The following SP140L variants were observed in gnomAD, a reference collection of about 807,000 sequenced individuals.
SP140L encodes SP140 like nuclear body protein.
Under a neutral mutation model 84.3 loss-of-function variants are expected in SP140L, and 64 were observed. The observed-to-expected ratio is 0.76, with a 90% CI of 0.62 to 0.94. The LOEUF (loss-of-function observed/expected upper bound fraction) is 0.94, where lower values mean the gene tolerates loss of function less well. SP140L is among the 40% of genes least tolerant of loss of function. The probability of loss-of-function intolerance (pLI) is 0.00; values close to 1 mark genes in which losing one functional copy is unlikely to be tolerated. For synonymous variants in SP140L, 242 were observed against 236.9 expected, an observed-to-expected ratio of 1.02 and a Z score of -0.20; for missense variants, 628 against 692.5, an observed-to-expected ratio of 0.91 and a Z score of 1.05.
intron 2 of SP140L, among the ~76,000 whole-genome samples, chr2:230,335,598 G>GT (rs986359575): frequency 3.1e-4 from 47 of 151,872 alleles, no homozygotes; most frequent in South Asian, 6.3e-4. Flanking sequence ...GTCTACTGTT[G>GT]TTTTTTTTGT....
chr2:230,371,614 A>C lies in SP140L; in HGVS notation c.600A>C (p.Ala200=). ...ACGKMDTVDI[A]NNSTLGKPKR... ...ATTTTCTAGATACTGTGGATATTGC[A>C]AACAACTCTACTTTGGGAAAACCCA... The change falls in exon 7 of 19, where the codon GCA becomes GCC. Residue 200 remains alanine, a synonymous_variant. Coordinates refer to ENST00000415673, the MANE Select transcript of SP140L (RefSeq NM_138402.6). 1 of 1,606,246 alleles carries C rather than the reference A, an allele frequency of 6.2e-7. No individual in the cohort carries two copies. The highest frequency in any genetic ancestry group is 1.1e-5 in the South Asian group (1 of 90,440).
chr2:230,391,772 T>C (rs1310794384), intron 11 of SP140L: 5 of 240,348 alleles, frequency 2.1e-5, no homozygotes, highest in Non-Finnish European at 2.5e-5. Flanking sequence ...CAAGTTGGAG[T>C]CCTCTCATCT....
intron 2 of SP140L, among the ~76,000 whole-genome samples, chr2:230,334,452 T>G (rs2149678630): frequency 6.6e-6 from 1 of 152,318 alleles, no homozygotes; most frequent in Admixed American, 6.5e-5. Context: ...CAAAGATGAA[T>G]GCAGATGTGT....
At chr2:230,332,455 T>C (rs1480616122) in intron 2 of SP140L, among the ~76,000 whole-genome samples, 1 of 152,224 alleles carries the variant, frequency 6.6e-6, no homozygotes, top group African/African-American at 2.4e-5. Flanking sequence ...CAGACATTAA[T>C]CTGTTCACAT....
At chr2:230,359,983 A>G (rs2060664713) in intron 4 of SP140L, among the ~76,000 whole-genome samples, 1 of 149,204 alleles carries the variant, frequency 6.7e-6, no homozygotes, top group African/African-American at 2.5e-5. Context: ...ATACCAAACT[A>G]AAGTTTTGAT....
chr2:230,330,407 G>A (rs1272353781), intron 2 of SP140L, among the ~76,000 whole-genome samples: 2 of 152,182 alleles, frequency 1.3e-5, no homozygotes, highest in African/African-American at 4.8e-5. Flanking sequence ...TAGCGATGGA[G>A]GCTTTCCAGG....
At chr2:230,385,685 C>T (rs530417238) in intron 9 of SP140L, among the ~76,000 whole-genome samples, 7 of 152,328 alleles carry the variant, frequency 4.6e-5, no homozygotes, top group South Asian at 2.1e-4. Context: ...CAAGCCCTAT[C>T]GCTTTCCTGT....
chr2:230,371,841 G>C, intron 7 of SP140L, 190 bp downstream of exon 7: 1 of 592,320 alleles, frequency 1.7e-6, no homozygotes, highest in South Asian at 1.7e-5. Flanking sequence ...CATGGCAAAC[G>C]GGACTTTACA....
intron 18 of SP140L, among the ~76,000 whole-genome samples, chr2:230,402,329 G>T (rs1466695167): frequency 6.6e-6 from 1 of 152,212 alleles, no homozygotes; most frequent in Non-Finnish European, 1.5e-5. Flanking sequence ...ACTGAAATAA[G>T]CAACCAAAGG....
At chr2:230,375,211 A>G (rs2061205328) in intron 7 of SP140L, among the ~76,000 whole-genome samples, 1 of 152,154 alleles carries the variant, frequency 6.6e-6, no homozygotes, top group Admixed American at 6.5e-5. Flanking sequence ...TAACCCCAAT[A>G]CTTTTTTCTT....
intron 5 of SP140L, 35 bp downstream of exon 5, chr2:230,361,732 G>A (rs539619382): frequency 1.8e-5 from 27 of 1,489,610 alleles, no homozygotes; most frequent in East Asian, 1.2e-4. Flanking sequence ...TTTCTCATCC[G>A]CTAAGAGGAA....
chr2:230,400,270 C>G, intron 15 of SP140L, 28 bp downstream of exon 15: 1 of 1,609,424 alleles, frequency 6.2e-7, no homozygotes, highest in African/African-American at 1.3e-5. Flanking sequence ...ACCTCTCTTT[C>G]ATCCTTTAAG....
intron 11 of SP140L, among the ~76,000 whole-genome samples, chr2:230,391,297 T>C (rs1277441604): frequency 2.0e-5 from 3 of 152,212 alleles, no homozygotes; most frequent in Non-Finnish European, 2.9e-5. Flanking sequence ...AACACCAAAG[T>C]GTTTTCCACA....
chr2:230,359,686 T>C (rs930346288), intron 4 of SP140L, among the ~76,000 whole-genome samples: 2 of 152,188 alleles, frequency 1.3e-5, no homozygotes, highest in Admixed American at 1.3e-4. Flanking sequence ...TTATAGTTCA[T>C]GTATAGTTTC....
intron 5 of SP140L, among the ~76,000 whole-genome samples, chr2:230,362,483 A>G (rs1237767305): frequency 6.6e-6 from 1 of 152,152 alleles, no homozygotes; most frequent in African/African-American, 2.4e-5. Flanking sequence ...AGAGACTCAG[A>G]GAGGAAGTGG....
intron 2 of SP140L, among the ~76,000 whole-genome samples, chr2:230,351,992 T>TA (rs2060378974): frequency 6.6e-6 from 1 of 152,204 alleles, no homozygotes; most frequent in African/African-American, 2.4e-5. Context: ...ACACCATACT[T>TA]ACATAATAAT....
At chr2:230,371,047 A>G (rs532289754) in intron 6 of SP140L, 80 bp downstream of exon 6, 1 of 1,246,346 alleles carries the variant, frequency 8.0e-7, no homozygotes, top group African/African-American at 1.5e-5. Flanking sequence ...CAGGTGCTCC[A>G]GTCCGCCCAG....
rs780871822 is a variant in SP140L, at chr2:230,393,481, C to T, written c.1155+20C>T. 1.9e-5 allele frequency: 29 copies of T among 1,554,698 alleles called. No individual in the cohort carries two copies. The highest frequency in any genetic ancestry group is 2.5e-5 in the Non-Finnish European group (29 of 1,152,706). On this transcript the variant is annotated intron_variant, in intron 13 of 18. Transcript: ENST00000415673. ...AAAAAGGTGATTATTACATAATTTT[C>T]TACAGATTCTTGTCACACAACAGAT...
At chr2:230,381,356 C>T (rs1176895372) in intron 7 of SP140L, among the ~76,000 whole-genome samples, 1 of 152,150 alleles carries the variant, frequency 6.6e-6, no homozygotes, top group Non-Finnish European at 1.5e-5. Context: ...TGATCTCTAG[C>T]TTCCAAGGCT....
Sources: gnomAD v4.1 joint callset for allele counts (sites outside exome capture counted in the v4.1 genomes callset) on GRCh38, gnomAD v4.1.1 for gene constraint, MANE v1.5 for transcripts, NCBI Gene and HGNC (gene_info 2026-07-23, HGNC 2026-07-21) for gene names.